XKR9: variants seen among roughly 807,000 people sequenced by gnomAD.
The protein encoded by XKR9 is XK-related protein 9.
XKR9 carries 32 observed loss-of-function variants against 32.0 expected under a neutral mutation model. That is an observed-to-expected ratio of 1.00 (90% confidence interval 0.76 to 1.34). The LOEUF (loss-of-function observed/expected upper bound fraction) is 1.34. Ranked by LOEUF, XKR9 falls within the 40% of genes most tolerant of loss-of-function variation. XKR9 has a pLI of 0.00. For missense variants in XKR9, 546 were observed against 429.7 expected, an observed-to-expected ratio of 1.27 and a Z score of -2.39; for synonymous variants, 168 against 143.4, an observed-to-expected ratio of 1.17 and a Z score of -1.22.
the XKR9 span, among the ~76,000 whole-genome samples, chr8:70,856,690 A>T: frequency 6.6e-6 from 1 of 152,140 alleles, no homozygotes; most frequent in African/African-American, 2.4e-5. Flanking sequence ...GCACCACACC[A>T]CAACTATTCC....
At chr8:71,027,365 A>G in the XKR9 span, among the ~76,000 whole-genome samples, 1 of 148,104 alleles carries the variant, frequency 6.8e-6, no homozygotes, top group Non-Finnish European at 1.5e-5. Flanking sequence ...TTTTTAAAAT[A>G]TATATTTTAG....
At chr8:70,904,246 A>T in the XKR9 span, among the ~76,000 whole-genome samples, 4 of 152,046 alleles carry the variant, frequency 2.6e-5, no homozygotes, top group Non-Finnish European at 5.9e-5. Context: ...ATTGTGTGGG[A>T]GTCTAAGTCT....
At chr8:70,910,595 G>T in the XKR9 span, among the ~76,000 whole-genome samples, 1 of 152,176 alleles carries the variant, frequency 6.6e-6, no homozygotes, top group Admixed American at 6.5e-5. Context: ...TCTGCAACCT[G>T]GGAGTAGAAC....
chr8:70,895,916 G>A, the XKR9 span, among the ~76,000 whole-genome samples: 1 of 152,042 alleles, frequency 6.6e-6, no homozygotes, highest in Admixed American at 6.6e-5. Context: ...GTTGAGGCAA[G>A]AGGATTGCTT....
the XKR9 span, among the ~76,000 whole-genome samples, chr8:70,853,990 G>A: frequency 6.6e-6 from 1 of 151,902 alleles, no homozygotes; most frequent in Non-Finnish European, 1.5e-5. Context: ...ATAAACACAT[G>A]TGTGCATGTA....
At chr8:70,955,502 A>G in the XKR9 span, among the ~76,000 whole-genome samples, 1 of 152,236 alleles carries the variant, frequency 6.6e-6, no homozygotes, top group Non-Finnish European at 1.5e-5. Flanking sequence ...TAGGGCAGGG[A>G]ACTTAAGTGT....
the XKR9 span, among the ~76,000 whole-genome samples, chr8:70,805,105 C>T: frequency 6.6e-6 from 1 of 152,154 alleles, no homozygotes; most frequent in Non-Finnish European, 1.5e-5. Flanking sequence ...TCAGAACTGA[C>T]TAGGAGGCTG....
chr8:70,766,551 A>G (rs1015909117), intron 2 of XKR9, among the ~76,000 whole-genome samples: 1 of 152,166 alleles, frequency 6.6e-6, no homozygotes, highest in Non-Finnish European at 1.5e-5. Context: ...AACACAGACA[A>G]TTTGACTTCC....
chr8:70,752,823 A>T (rs544792083), intron 2 of XKR9, among the ~76,000 whole-genome samples: 2 of 152,238 alleles, frequency 1.3e-5, no homozygotes, highest in East Asian at 1.9e-4. Context: ...AGGAAAGATC[A>T]AAAATTGACA....
At chr8:70,887,121 A>T in the XKR9 span, among the ~76,000 whole-genome samples, 1 of 152,192 alleles carries the variant, frequency 6.6e-6, no homozygotes, top group Non-Finnish European at 1.5e-5. Context: ...GAAGGGGTCC[A>T]GTTCCAGTTT....
the XKR9 span, among the ~76,000 whole-genome samples, chr8:71,000,603 G>C: frequency 1.3e-5 from 2 of 152,148 alleles, no homozygotes; most frequent in African/African-American, 2.4e-5. Context: ...TATCTGACAG[G>C]CCAAGAAATC....
chr8:70,898,929 T>C, the XKR9 span, among the ~76,000 whole-genome samples: 1 of 152,124 alleles, frequency 6.6e-6, no homozygotes, highest in Non-Finnish European at 1.5e-5. Flanking sequence ...CTTTTTCTTT[T>C]TGAGACAGGG....
chr8:71,019,452 G>A, the XKR9 span, among the ~76,000 whole-genome samples: 1 of 152,172 alleles, frequency 6.6e-6, no homozygotes, highest in Non-Finnish European at 1.5e-5. Flanking sequence ...AAAAGAGAAA[G>A]CTTTACCTCC....
At chr8:70,890,936 G>T in the XKR9 span, among the ~76,000 whole-genome samples, 2 of 151,890 alleles carry the variant, frequency 1.3e-5, no homozygotes, top group African/African-American at 4.8e-5. Context: ...GCTTTTCTTT[G>T]TTGGGAGACT....
At chr8:70,727,190 C>G (rs956023658) in intron 4 of XKR9, among the ~76,000 whole-genome samples, 1 of 151,900 alleles carries the variant, frequency 6.6e-6, no homozygotes, top group African/African-American at 2.4e-5. Flanking sequence ...TCTTTTAGTT[C>G]CATTTTCCAT....
the XKR9 span, among the ~76,000 whole-genome samples, chr8:70,971,474 C>A: frequency 1.3e-5 from 2 of 152,034 alleles, no homozygotes; most frequent in African/African-American, 4.8e-5. Flanking sequence ...GAATTAAGTT[C>A]CATATATTTA....
At chr8:70,856,049 C>G in the XKR9 span, among the ~76,000 whole-genome samples, 1 of 152,138 alleles carries the variant, frequency 6.6e-6, no homozygotes, top group Non-Finnish European at 1.5e-5. Context: ...ACCATCGAGG[C>G]TAGGAAGAAA....
At chr8:70,954,823 G>T in the XKR9 span, among the ~76,000 whole-genome samples, 48,413 of 152,096 alleles carry the variant, frequency 0.32, 9,051 homozygotes, top group Non-Finnish European at 0.43. Context: ...TTTACCAGTC[G>T]TTCAGGTAGT....
chr8:70,714,794 C>CT (rs1203562282), intron 4 of XKR9, among the ~76,000 whole-genome samples: 1 of 151,966 alleles, frequency 6.6e-6, no homozygotes, highest in African/African-American at 2.4e-5. Context: ...ATTTTCTTCA[C>CT]TGATGTCAGT....
Sources: allele counts gnomAD v4.1 joint callset (sites outside exome capture counted in the v4.1 genomes callset), GRCh38; gene constraint gnomAD v4.1.1; transcripts MANE v1.5; gene names NCBI Gene and HGNC (gene_info 2026-07-23, HGNC 2026-07-21).